Variants in AKR1B15 observed in about 807,000 individuals in gnomAD.
The protein encoded by AKR1B15 is estradiol 17-beta-dehydrogenase AKR1B15.
In AKR1B15, 49 loss-of-function variants were observed where a neutral mutation model predicts 38.5. That is an observed-to-expected ratio of 1.27 (90% CI 1.01 to 1.62). The LOEUF (loss-of-function observed/expected upper bound fraction) is 1.62, where lower values mean the gene tolerates loss of function less well. Ranked by LOEUF, AKR1B15 falls within the 40% of genes most tolerant of loss-of-function variation. The pLI is 0.00. For missense variants in AKR1B15, 411 were observed against 381.6 expected (o/e 1.08, Z -0.64); for synonymous variants, 137 against 135.5 (o/e 1.01, Z -0.08).
intron 3 of AKR1B15, among the ~76,000 whole-genome samples, chr7:134,565,731 A>G (rs932505246): frequency 6.6e-6 from 1 of 152,148 alleles, no homozygotes. Flanking sequence ...ATGCTGCAAG[A>G]CTGGCTTTCC....
At chr7:134,569,601 G>C in intron 5 of AKR1B15, 72 bp downstream of exon 5, 1 of 1,508,198 alleles carries the variant, frequency 6.6e-7, no homozygotes, top group Non-Finnish European at 9.2e-7. Context: ...CCAACAGAGA[G>C]ACTGGCTGAA....
In AKR1B15 at chr7:134,576,430, G is replaced by C. The variant is rs768046107; in HGVS notation, c.825G>C (p.Gln275His). 62 of 1,613,956 alleles carry C rather than the reference G, an allele frequency of 3.8e-5. No homozygotes were observed. Among genetic ancestry groups the C allele is most frequent in the Non-Finnish European group, 5.3e-5 (62 of 1,179,928 alleles). Reference protein sequence around the residue: ...IAAKHKKTTAQVLIRFHIQRN... With the variant: ...IAAKHKKTTAHVLIRFHIQRN... Reference sequence around the variant, plus strand: ...CAAAGCACAAAAAAACCACAGCCCAGGTACCATATTTTTATTTTTCTTGTT... The same window carrying C: ...CAAAGCACAAAAAAACCACAGCCCACGTACCATATTTTTATTTTTCTTGTT... Residue 275 changes from glutamine (Q) to histidine (H), a missense_variant and splice_region_variant, in exon 9 of 12, where the codon CAG becomes CAC. Coordinates refer to ENST00000457545, the MANE Select transcript of AKR1B15 (RefSeq NM_001080538.3).
chr7:134,556,189 C>T (rs150653447), intron 1 of AKR1B15, among the ~76,000 whole-genome samples: 1 of 152,124 alleles, frequency 6.6e-6, no homozygotes, highest in East Asian at 1.9e-4. Context: ...CAAAAACACC[C>T]AGAGAGAGTC....
At chr7:134,579,224 T>C (rs1201707126) in intron 11 of AKR1B15, among the ~76,000 whole-genome samples, 2 of 152,154 alleles carry the variant, frequency 1.3e-5, no homozygotes, top group Non-Finnish European at 2.9e-5. Flanking sequence ...TGAGAGTGGA[T>C]TGGGACAAGA....
intron 2 of AKR1B15, among the ~76,000 whole-genome samples, chr7:134,558,844 C>A (rs1215771710): frequency 6.6e-6 from 1 of 152,198 alleles, no homozygotes; most frequent in Non-Finnish European, 1.5e-5. Context: ...CTAGCACAGG[C>A]ATCACCCCTG....
At chr7:134,573,491 T>C (rs1479255972) in intron 6 of AKR1B15, 3 of 985,318 alleles carry the variant, frequency 3.0e-6, no homozygotes, top group African/African-American at 3.5e-5. Flanking sequence ...AAAGATATCA[T>C]TGATCAAGTT....
intron 3 of AKR1B15, chr7:134,565,315 C>T: frequency 8.5e-6 from 10 of 1,180,358 alleles, no homozygotes; most frequent in Non-Finnish European, 1.2e-5. Context: ...TCTGAAGGAA[C>T]AAACTCCAGA....
intron 5 of AKR1B15, chr7:134,570,029 A>G (rs1188839398): frequency 6.5e-6 from 1 of 153,696 alleles, no homozygotes; most frequent in Non-Finnish European, 1.4e-5. Flanking sequence ...TTCTTTCAAA[A>G]GAAAATAGGA....
At chr7:134,565,505 A>G (rs1163651977) in intron 3 of AKR1B15, 3 of 1,613,732 alleles carry the variant, frequency 1.9e-6, no homozygotes, top group Non-Finnish European at 2.5e-6. Flanking sequence ...GGAGCTCAGT[A>G]CAAAAGCCAA....
chr7:134,573,710 T>C (rs1299133144), intron 6 of AKR1B15, among the ~76,000 whole-genome samples: 1 of 152,164 alleles, frequency 6.6e-6, no homozygotes, highest in East Asian at 1.9e-4. Context: ...GAATCAGAAG[T>C]TTTTGGGAAA....
intron 2 of AKR1B15, among the ~76,000 whole-genome samples, chr7:134,562,832 C>CCCTTTCTTTCTT (rs1554402359): frequency 8.2e-6 from 1 of 122,600 alleles, no homozygotes. Flanking sequence ...TCCTTCCTTT[C>CCCTTTCTTTCTT]TCTTTCTTTC....
chr7:134,553,577 T>TA (rs1437731643), intron 1 of AKR1B15, among the ~76,000 whole-genome samples: 2 of 152,242 alleles, frequency 1.3e-5, no homozygotes, highest in Admixed American at 1.3e-4. Flanking sequence ...ATTTAACCCT[T>TA]ACGGCTCCTC....
chr7:134,570,424 T>C (rs1794644077), intron 5 of AKR1B15: 1 of 152,212 alleles, frequency 6.6e-6, no homozygotes, highest in African/African-American at 2.4e-5. Flanking sequence ...ACCCTATTTG[T>C]ATACTCCCTC....
chr7:134,577,392 G>A (rs1033103144), intron 10 of AKR1B15, among the ~76,000 whole-genome samples: 1 of 152,194 alleles, frequency 6.6e-6, no homozygotes, highest in African/African-American at 2.4e-5. Context: ...CAGCAGAGGA[G>A]GTGTGAACTG....
chr7:134,579,342 C>T (rs143562503), intron 11 of AKR1B15, among the ~76,000 whole-genome samples, 165 bp from the exon 12 acceptor site: 2 of 152,114 alleles, frequency 1.3e-5, no homozygotes, highest in African/African-American at 2.4e-5. Flanking sequence ...ACCCTCATAT[C>T]GATTTGAAGG....
rs1394905272 is a variant in AKR1B15, at chr7:134,566,462, T to A, written c.150+1693T>A. Among the ~76,000 whole-genome samples the A allele has an allele frequency of 3.3e-5, 5 of 152,180 alleles. No individual in the cohort carries two copies. The East Asian group carries it at 9.6e-4, about 29-fold the overall frequency. The stretch of plus-strand genomic sequence containing the variant: ...CTGGGAGTCGTGAGCTCCACCCGGC[T>A]GTTTTTATGACAGCTGGCAAAACAC... On this transcript the variant is annotated intron_variant, in intron 3 of 11. Transcript: ENST00000457545.
chr7:134,572,815 A>C (rs1297301553), intron 6 of AKR1B15, among the ~76,000 whole-genome samples: 1 of 152,174 alleles, frequency 6.6e-6, no homozygotes, highest in Non-Finnish European at 1.5e-5. Flanking sequence ...GAATTGGAGA[A>C]ATAAGATATA....
intron 2 of AKR1B15, among the ~76,000 whole-genome samples, chr7:134,562,511 C>T (rs1017727353): frequency 3.3e-5 from 5 of 152,060 alleles, no homozygotes; most frequent in South Asian, 2.1e-4. Flanking sequence ...GTCCATTATA[C>T]GGAGCACTGA....
At chr7:134,573,361 C>A in intron 6 of AKR1B15, 5 of 985,324 alleles carry the variant, frequency 5.1e-6, no homozygotes, top group Non-Finnish European at 6.0e-6. Flanking sequence ...GTGTTTTTGC[C>A]TTAGCTCCTA....
Sources: allele counts gnomAD v4.1 joint callset (sites outside exome capture counted in the v4.1 genomes callset), GRCh38; gene constraint gnomAD v4.1.1; transcripts MANE v1.5; gene names NCBI Gene and HGNC (gene_info 2026-07-23, HGNC 2026-07-21).